The following MACROD2 variants were observed in gnomAD, a reference collection of about 807,000 sequenced individuals.
The protein encoded by MACROD2 is mono-ADP ribosylhydrolase 2.
A neutral mutation model predicts 70.4 loss-of-function variants in MACROD2; 36 were observed. The observed-to-expected ratio is 0.51, with a 90% CI of 0.39 to 0.68. The LOEUF (loss-of-function observed/expected upper bound fraction) is 0.68, where lower values mean the gene tolerates loss of function less well. Among genes scored for constraint, MACROD2 ranks in the 30% least tolerant of loss-of-function variants. The pLI is 0.00. For synonymous variants in MACROD2, 172 were observed against 178.8 expected (o/e 0.96, Z 0.30); for missense variants, 496 against 538.4 (o/e 0.92, Z 0.78).
At chr20:15,522,609 G>A (rs939207020) in intron 8 of MACROD2, among the ~76,000 whole-genome samples, 2 of 152,310 alleles carry the variant, frequency 1.3e-5, no homozygotes, top group Non-Finnish European at 2.9e-5. Flanking sequence ...CAAATTATAA[G>A]CTTTGTGAAA....
At chr20:14,085,822 G>A in intron 3 of MACROD2, 94 bp downstream of exon 3, 1 of 651,602 alleles carries the variant, frequency 1.5e-6, no homozygotes, top group Non-Finnish European at 2.4e-6. Context: ...AGAAAAAAAT[G>A]CTTTTTGACG....
intron 5 of MACROD2, among the ~76,000 whole-genome samples, chr20:14,861,560 G>A (rs2073317273): frequency 6.6e-6 from 1 of 152,002 alleles, no homozygotes; most frequent in East Asian, 2.0e-4. Context: ...AGGGAGCTGG[G>A]GGAATGCACT....
intron 3 of MACROD2, among the ~76,000 whole-genome samples, chr20:14,090,734 G>A (rs1375711026): frequency 2.0e-5 from 3 of 152,078 alleles, no homozygotes; most frequent in Non-Finnish European, 2.9e-5. Context: ...TGGCAGTACC[G>A]ATATCCCTTT....
At chr20:14,157,210 G>A (rs78004671) in intron 3 of MACROD2, among the ~76,000 whole-genome samples, 3,552 of 152,192 alleles carry the variant, frequency 0.023, 40 homozygotes, top group African/African-American at 0.029. Context: ...GTATAGTAGC[G>A]CTGAATTCTT....
chr20:15,319,869 T>C (rs2077854394), intron 6 of MACROD2, among the ~76,000 whole-genome samples: 1 of 152,204 alleles, frequency 6.6e-6, no homozygotes, highest in Admixed American at 6.5e-5. Context: ...AGGTCCCATA[T>C]TGTATAATCT....
At chr20:15,446,097 A>G (rs1183699515) in intron 7 of MACROD2, among the ~76,000 whole-genome samples, 1 of 152,162 alleles carries the variant, frequency 6.6e-6, no homozygotes, top group African/African-American at 2.4e-5. Context: ...AAATGTCATG[A>G]TGGCAATACT....
intron 8 of MACROD2, among the ~76,000 whole-genome samples, chr20:15,615,412 T>A (rs966952576): frequency 6.6e-6 from 1 of 151,972 alleles, no homozygotes; most frequent in Non-Finnish European, 1.5e-5. Flanking sequence ...AAATCTAGAG[T>A]AGTGGTCACA....
At chr20:14,399,445 C>T (rs1195412588) in intron 3 of MACROD2, among the ~76,000 whole-genome samples, 2 of 152,078 alleles carry the variant, frequency 1.3e-5, no homozygotes, top group African/African-American at 4.8e-5. Context: ...AGTCTGCTGT[C>T]ATTTTTATCT....
At chr20:14,474,627 A>C (rs2084568696) in intron 3 of MACROD2, among the ~76,000 whole-genome samples, 1 of 152,042 alleles carries the variant, frequency 6.6e-6, no homozygotes, top group South Asian at 2.1e-4. Context: ...GTCTATTAAC[A>C]TTTACTTTAT....
intron 5 of MACROD2, among the ~76,000 whole-genome samples, chr20:15,195,637 T>A (rs1469874940): frequency 6.6e-6 from 1 of 152,124 alleles, no homozygotes; most frequent in Non-Finnish European, 1.5e-5. Context: ...TTGGTCGGAG[T>A]ATAAATTAGT....
chr20:15,088,800 G>A (rs1461147140), intron 5 of MACROD2, among the ~76,000 whole-genome samples: 1 of 151,812 alleles, frequency 6.6e-6, no homozygotes, highest in African/African-American at 2.4e-5. Flanking sequence ...CACAGTACAG[G>A]TCTGGAAGGG....
At chr20:15,259,985 AT>A (rs916515659) in intron 6 of MACROD2, among the ~76,000 whole-genome samples, 4 of 151,558 alleles carry the variant, frequency 2.6e-5, no homozygotes, top group Non-Finnish European at 5.9e-5. Context: ...CTCTCCTGAA[AT>A]TTTTTTTATT....
At chr20:15,677,622 C>T (rs1247705029) in intron 8 of MACROD2, among the ~76,000 whole-genome samples, 3 of 152,100 alleles carry the variant, frequency 2.0e-5, no homozygotes, top group Non-Finnish European at 4.4e-5. Flanking sequence ...ACCTCAGTTT[C>T]ATTGTCTTCT....
At chr20:14,209,749 T>G (rs1156725597) in intron 3 of MACROD2, among the ~76,000 whole-genome samples, 1 of 152,152 alleles carries the variant, frequency 6.6e-6, no homozygotes, top group Non-Finnish European at 1.5e-5. Flanking sequence ...TGGGGGGTTT[T>G]GTCTAGAGTG....
intron 3 of MACROD2, among the ~76,000 whole-genome samples, chr20:14,203,417 A>G (rs2081496973): frequency 6.6e-6 from 1 of 151,784 alleles, no homozygotes. Flanking sequence ...TTGCTGGAGA[A>G]TTATTGTGTT....
Position 14,128,325 on chromosome 20 carries a change from G to A in MACROD2, c.271+42597G>A, listed in dbSNP as rs896192446. The A allele has an allele frequency of 2.4e-5, 4 of 168,070 alleles. No homozygotes were observed. The South Asian group carries it at 4.9e-4, about 21-fold the overall frequency. 10.4% of individuals were successfully genotyped at this position (168,070 alleles called of 1,614,324 possible). On this transcript the variant is annotated intron_variant, in intron 3 of 17. Transcript: ENST00000684519. Reference sequence around the variant, plus strand: ...TAGGGTTCAAACTATGAACAACAGTGGAATAAAATAAAACAAAATGCCTTC... The same window carrying A: ...TAGGGTTCAAACTATGAACAACAGTAGAATAAAATAAAACAAAATGCCTTC...
rs71192310 is a variant in MACROD2, at chr20:15,995,649, C to CTTTTTTTTTTTTTTTTTTTTTTTTT, written c.1153+8511_1153+8512insTTTTTTTTTTTTTTTTTTTTTTTTT. Among the ~76,000 whole-genome samples the CTTTTTTTTTTTTTTTTTTTTTTTTT allele has an allele frequency of 2.2e-3, 189 of 85,470 alleles. 10 individuals carry two copies. Among genetic ancestry groups the CTTTTTTTTTTTTTTTTTTTTTTTTT allele is most frequent in the South Asian group, 5.8e-3 (10 of 1,720 alleles). The allele number at this position is 85,470 out of a possible 152,430, so 56.1% of individuals were successfully genotyped here. On this transcript the variant is annotated intron_variant, in intron 15 of 17. Coordinates refer to ENST00000684519, the MANE Select transcript of MACROD2 (RefSeq NM_001351661.2). The stretch of plus-strand genomic sequence containing the variant: ...ACAGGCATGAGCCACTATGCCCGGC[C>CTTTTTTTTTTTTTTTTTTTTTTTTT]TTTTTTTTTTTTTTTTTTTTAACTT...
rs1182485671 is a variant in MACROD2 at position 14,326,977 on chromosome 20, A to G, written c.272-166502A>G. 38 of 1,613,638 alleles carry G rather than the reference A, an allele frequency of 2.4e-5. No homozygotes were observed. Among genetic ancestry groups the G allele is most frequent in the Non-Finnish European group, 3.1e-5 (37 of 1,179,788 alleles). Reference sequence around the variant, plus strand: ...ATTATCATCCAAGCGTAGTTCTTCTATAGTCCTGGGCAAACCCCAGGGAAT... The same window carrying G: ...ATTATCATCCAAGCGTAGTTCTTCTGTAGTCCTGGGCAAACCCCAGGGAAT... On this transcript the variant is annotated intron_variant, in intron 3 of 17. Coordinates refer to ENST00000684519, the MANE Select transcript of MACROD2 (RefSeq NM_001351661.2). This position sits in a 1 kb window ranked among gnomAD's most constrained non-coding sequence, Gnocchi z 5.5.
chr20:15,110,556 G>A (rs2075946562), intron 5 of MACROD2, among the ~76,000 whole-genome samples: 1 of 152,170 alleles, frequency 6.6e-6, no homozygotes, highest in African/African-American at 2.4e-5. Flanking sequence ...TGTCCTCAAA[G>A]TAAGTGTTTG....
Sources: allele counts gnomAD v4.1 joint callset (sites outside exome capture counted in the v4.1 genomes callset), GRCh38; gene constraint gnomAD v4.1.1; non-coding constraint Gnocchi (gnomAD v3.1); transcripts MANE v1.5; gene names NCBI Gene and HGNC (gene_info 2026-07-23, HGNC 2026-07-21).